The following IL1RAPL1 variants were observed in gnomAD, a reference collection of about 807,000 sequenced individuals.
The protein encoded by IL1RAPL1 is interleukin-1 receptor accessory protein-like 1.
In IL1RAPL1, 3 loss-of-function variants were observed where a neutral mutation model predicts 48.4. The observed-to-expected ratio is 0.06, with a 90% CI of 0.03 to 0.16. The LOEUF is 0.16. Among genes scored for constraint, IL1RAPL1 ranks in the 10% least tolerant of loss-of-function variants. The pLI, the probability that IL1RAPL1 is intolerant of heterozygous loss-of-function variation, is 1.00. For synonymous variants in IL1RAPL1, 185 were observed against 187.7 expected, an observed-to-expected ratio of 0.99 and a Z score of 0.12; for missense variants, 349 against 530.6, an observed-to-expected ratio of 0.66 and a Z score of 3.36.
rs182502234 is a variant in IL1RAPL1, at chrX:28,636,817, C to T, written c.-25+48770C>T. The stretch of plus-strand genomic sequence containing the variant: ...TGCTATATAACATTGTCTCACTGAT[C>T]ACAACTGGGTCAATCACCACCCCTA... On this transcript the variant is annotated intron_variant, in intron 1 of 10. Transcript: ENST00000378993. Among the ~76,000 whole-genome samples, 345 of 111,838 alleles carry T rather than the reference C, an allele frequency of 3.1e-3. 1 individual carries two copies. Among genetic ancestry groups the T allele is most frequent in the Non-Finnish European group, 4.6e-3 (247 of 53,173 alleles).
intron 6 of IL1RAPL1, among the ~76,000 whole-genome samples, chrX:29,830,235 A>G (rs1272177212): frequency 8.9e-6 from 1 of 111,832 alleles, no homozygotes; most frequent in Non-Finnish European, 1.9e-5. Flanking sequence ...TTTAAACAAC[A>G]AATGATGAGA....
chrX:29,782,887 CATTTT>C (rs1929382082), intron 6 of IL1RAPL1, among the ~76,000 whole-genome samples: 2 of 59,854 alleles, frequency 3.3e-5, no homozygotes, highest in African/African-American at 1.3e-4. Flanking sequence ...TTGATCGTGA[CATTTT>C]TTTTTTTTTT....
chrX:29,835,397 A>G (rs1164749931), intron 6 of IL1RAPL1, among the ~76,000 whole-genome samples: 1 of 111,770 alleles, frequency 8.9e-6, no homozygotes, highest in Non-Finnish European at 1.9e-5. Context: ...TGTGCTGTTG[A>G]ATTTGGTTTG....
At chrX:29,310,803 G>A (rs1295140499) in intron 3 of IL1RAPL1, among the ~76,000 whole-genome samples, 2 of 111,858 alleles carry the variant, frequency 1.8e-5, no homozygotes, top group Non-Finnish European at 3.8e-5. Context: ...ATGAAACTGG[G>A]AGCATTTATT....
chrX:29,867,458 G>A (rs1400252860), intron 6 of IL1RAPL1, among the ~76,000 whole-genome samples: 1 of 110,962 alleles, frequency 9.0e-6, no homozygotes, highest in Non-Finnish European at 1.9e-5. Context: ...GCCCTTTTTT[G>A]CCATTCCACC....
At chrX:29,860,522 C>A (rs755482194) in intron 6 of IL1RAPL1, among the ~76,000 whole-genome samples, 22 of 110,616 alleles carry the variant, frequency 2.0e-4, no homozygotes, top group Non-Finnish European at 7.6e-5. Context: ...CCCTCCACCC[C>A]CTGACAGGCC....
intron 2 of IL1RAPL1, among the ~76,000 whole-genome samples, chrX:29,037,528 C>T (rs1926755937): frequency 9.0e-6 from 1 of 111,180 alleles, no homozygotes; most frequent in African/African-American, 3.3e-5. Flanking sequence ...ATCAATGTAC[C>T]TCTGAATCAA....
chrX:29,333,328 G>A (rs1932911458), intron 3 of IL1RAPL1, among the ~76,000 whole-genome samples: 1 of 104,746 alleles, frequency 9.5e-6, no homozygotes, highest in Non-Finnish European at 2.0e-5. Flanking sequence ...AGGCAGAGGG[G>A]CTCCTCACTT....
intron 2 of IL1RAPL1, among the ~76,000 whole-genome samples, chrX:28,879,235 G>A (rs1252932716): frequency 9.0e-6 from 1 of 111,009 alleles, no homozygotes; most frequent in Non-Finnish European, 1.9e-5. Flanking sequence ...TATACAATGA[G>A]ACCCCATATT....
At position 29,265,283 on chromosome X, in the gene IL1RAPL1, TATTATGAATATAATATGA is replaced by T. The variant is rs1931933579; in HGVS notation, c.83-17643_83-17626del. 6.4e-5 allele frequency among the ~76,000 whole-genome samples: 7 copies of T among 109,850 alleles called. No homozygotes were observed. In the South Asian group the frequency reaches 2.7e-3, roughly 42 times the overall value. On this transcript the variant is annotated intron_variant, in intron 2 of 10. Coordinates refer to ENST00000378993, the MANE Select transcript of IL1RAPL1 (RefSeq NM_014271.4). ...TATAATATATAATATGAATTATGAA[TATTATGAATATAATATGA>T]ATTATGAATATTATGAATATAATAT...
chrX:29,639,545 GTTTTT>G (rs10719537), intron 5 of IL1RAPL1, among the ~76,000 whole-genome samples: 1 of 76,664 alleles, frequency 1.3e-5, no homozygotes, highest in African/African-American at 4.4e-5. Flanking sequence ...ATAATTAAAA[GTTTTT>G]TTTTTTTTTT....
At chrX:29,829,830 A>T (rs1279696524) in intron 6 of IL1RAPL1, among the ~76,000 whole-genome samples, 1 of 112,060 alleles carries the variant, frequency 8.9e-6, no homozygotes, top group Non-Finnish European at 1.9e-5. Context: ...ATACCTTGCT[A>T]TAGTTTCCAA....
chrX:29,906,843 T>A (rs1932643134), intron 6 of IL1RAPL1, among the ~76,000 whole-genome samples: 1 of 110,397 alleles, frequency 9.1e-6, no homozygotes, highest in Admixed American at 9.8e-5. Context: ...CTCTCCAGAC[T>A]TGACTTGCTG....
rs762269978 is a variant in IL1RAPL1, at chrX:29,853,806, G to A, written c.779-63658G>A. Among the ~76,000 whole-genome samples, 7 of 111,071 alleles carry A rather than the reference G, an allele frequency of 6.3e-5. No homozygotes were observed. In the South Asian group the frequency reaches 1.1e-3, roughly 18 times the overall value. ...TTCTGAATTTTGGCAATCCCTTTAC[G>A]CTTTGGGTGACTGATTATCTGTCAT... On this transcript the variant is annotated intron_variant, in intron 6 of 10. Transcript: ENST00000378993.
At chrX:29,034,432 T>G (rs1180575506) in intron 2 of IL1RAPL1, among the ~76,000 whole-genome samples, 4 of 112,054 alleles carry the variant, frequency 3.6e-5, no homozygotes, top group Non-Finnish European at 7.5e-5. Context: ...AAAATCTGGC[T>G]ACTTGTTTTT....
intron 9 of IL1RAPL1, among the ~76,000 whole-genome samples, chrX:29,953,604 A>G (rs776391979): frequency 1.8e-5 from 2 of 111,861 alleles, no homozygotes; most frequent in Non-Finnish European, 3.8e-5. Flanking sequence ...TAACTTGGCA[A>G]TATTTTATGT....
chrX:29,371,020 A>C (rs933831981), intron 3 of IL1RAPL1, among the ~76,000 whole-genome samples: 4 of 110,164 alleles, frequency 3.6e-5, no homozygotes, highest in Non-Finnish European at 5.7e-5. Flanking sequence ...GGAACATTCA[A>C]AATCTGCTCT....
intron 6 of IL1RAPL1, among the ~76,000 whole-genome samples, chrX:29,783,413 G>T (rs900506172): frequency 9.0e-6 from 1 of 110,980 alleles, no homozygotes; most frequent in Non-Finnish European, 1.9e-5. Flanking sequence ...AGCGGGAGAG[G>T]CTGTGAGTAA....
intron 1 of IL1RAPL1, among the ~76,000 whole-genome samples, chrX:28,604,978 C>T (rs1190428818): frequency 9.0e-6 from 1 of 111,255 alleles, no homozygotes; most frequent in Non-Finnish European, 1.9e-5. Context: ...TTGTGGGCAA[C>T]ACTTACACAA....
Sources: gnomAD v4.1 joint callset for allele counts (sites outside exome capture counted in the v4.1 genomes callset) on GRCh38, gnomAD v4.1.1 for gene constraint, MANE v1.5 for transcripts, NCBI Gene and HGNC (gene_info 2026-07-23, HGNC 2026-07-21) for gene names.